Variants in SMOC2 observed in about 807,000 individuals in gnomAD.
The protein encoded by SMOC2 is SPARC related modular calcium binding 2, also known as SPARC-related modular calcium-binding protein 2.
In SMOC2, 39 loss-of-function variants were observed where a neutral mutation model predicts 61.4. That is an observed-to-expected ratio of 0.64 (90% CI 0.49 to 0.83). The LOEUF (loss-of-function observed/expected upper bound fraction) is 0.83. Among genes scored for constraint, SMOC2 ranks in the 40% least tolerant of loss-of-function variants. SMOC2 has a pLI of 0.00. For missense variants in SMOC2, 556 were observed against 592.9 expected, an observed-to-expected ratio of 0.94 and a Z score of 0.65; for synonymous variants, 247 against 239.9, an observed-to-expected ratio of 1.03 and a Z score of -0.27.
intron 1 of SMOC2, among the ~76,000 whole-genome samples, chr6:168,494,405 T>C (rs2115035515): frequency 6.6e-6 from 1 of 152,364 alleles, no homozygotes; most frequent in African/African-American, 2.4e-5. Context: ...TTTGCCTCTC[T>C]TCTTCCTTCT....
chr6:168,444,985 A>G (rs1226485138), intron 1 of SMOC2, among the ~76,000 whole-genome samples: 1 of 152,200 alleles, frequency 6.6e-6, no homozygotes, highest in Non-Finnish European at 1.5e-5. Context: ...TGTTGAAGTC[A>G]CATTACCATC....
chr6:168,525,465 G>A (rs575176159), intron 2 of SMOC2, among the ~76,000 whole-genome samples: 44 of 152,284 alleles, frequency 2.9e-4, no homozygotes, highest in Admixed American at 1.2e-3. Flanking sequence ...TGGCACACAC[G>A]GATCCTGCAT....
At chr6:168,547,019 G>C (rs1784019910) in intron 5 of SMOC2, 100 bp from the exon 6 acceptor site, 1 of 1,409,810 alleles carries the variant, frequency 7.1e-7, no homozygotes, top group Non-Finnish European at 1.0e-6. Flanking sequence ...TGATCTGTGG[G>C]GACTGAGTGC....
intron 9 of SMOC2, among the ~76,000 whole-genome samples, chr6:168,640,905 G>A (rs927881569): frequency 6.6e-6 from 1 of 152,214 alleles, no homozygotes; most frequent in Non-Finnish European, 1.5e-5. Context: ...AGTGCTTCCT[G>A]GCAGCTGGCT....
At chr6:168,442,950 C>G (rs990025715) in intron 1 of SMOC2, among the ~76,000 whole-genome samples, 1 of 152,244 alleles carries the variant, frequency 6.6e-6, no homozygotes, top group African/African-American at 2.4e-5. Context: ...AGGATACTCA[C>G]TGGAGGCATT....
In SMOC2 at chr6:168,475,156, C is replaced by T. The variant is rs78389013; in HGVS notation, c.84+33702C>T. Among the ~76,000 whole-genome samples, 9,915 of 152,166 alleles carry T rather than the reference C, an allele frequency of 0.065. 426 individuals carry two copies. Among genetic ancestry groups the T allele is most frequent in the Non-Finnish European group, 0.093 (6,352 of 67,978 alleles). ...CACGGTCTAGTGAGGAGTTTGGAAT[C>T]GGGAAGATGAGTTCAAATGCCAGCC... On this transcript the variant is annotated intron_variant, in intron 1 of 12. Transcript: ENST00000356284. The surrounding 1 kb of genome is among the most constrained non-coding windows in gnomAD (Gnocchi z 4.6).
chr6:168,594,055 C>T, intron 7 of SMOC2, among the ~76,000 whole-genome samples: 1 of 69,246 alleles, frequency 1.4e-5, no homozygotes, highest in Non-Finnish European at 3.3e-5. Flanking sequence ...CCTGAGGCCT[C>T]ACGGGCATCT....
intron 2 of SMOC2, among the ~76,000 whole-genome samples, chr6:168,522,568 C>T (rs2609293): frequency 0.57 from 86,949 of 152,112 alleles, 28,030 homozygotes; most frequent in Non-Finnish European, 0.72. Flanking sequence ...GACAACATCA[C>T]GCTAAATGAA....
At chr6:168,493,762 A>G (rs6932801) in intron 1 of SMOC2, among the ~76,000 whole-genome samples, 19,245 of 152,232 alleles carry the variant, frequency 0.13, 2,422 homozygotes, top group East Asian at 0.39. Context: ...AAAAAAGTGT[A>G]TAAGTCCTAG....
At chr6:168,624,539 T>TAGAC (rs1554252005) in intron 9 of SMOC2, among the ~76,000 whole-genome samples, 2 of 150,286 alleles carry the variant, frequency 1.3e-5, no homozygotes, top group Non-Finnish European at 3.0e-5. Flanking sequence ...GATTCACACA[T>TAGAC]AGACACATGC....
In SMOC2 at chr6:168,452,981, C is replaced by T. The variant is rs915505310; in HGVS notation, c.84+11527C>T. 6.6e-6 allele frequency among the ~76,000 whole-genome samples: 1 copy of T among 152,102 alleles called. No homozygotes were observed. Among genetic ancestry groups the T allele is most frequent in the Non-Finnish European group, 1.5e-5 (1 of 68,034 alleles). On this transcript the variant is annotated intron_variant, in intron 1 of 12. Coordinates refer to ENST00000356284, the MANE Select transcript of SMOC2 (RefSeq NM_001166412.2). This position sits in a 1 kb window ranked among gnomAD's most constrained non-coding sequence, Gnocchi z 5.0. ...AGTGGCTCTGACAGCAGGGGCAGGA[C>T]GCCCTCCTCCCAGTGGCTCTGACAG...
At chr6:168,503,455 G>A (rs1025939059) in intron 1 of SMOC2, among the ~76,000 whole-genome samples, 8 of 152,116 alleles carry the variant, frequency 5.3e-5, no homozygotes, top group Non-Finnish European at 1.0e-4. Context: ...GAGTCTCTGT[G>A]CTCCTGTGAG....
At position 168,562,584 on chromosome 6, in the gene SMOC2, C is replaced by T. The variant is rs556154676; in HGVS notation, c.637+13381C>T. On this transcript the variant is annotated intron_variant, in intron 7 of 12. Transcript: ENST00000356284. ...CTCTTTACATATGAAAAAATGCAAACGTTCACCCAAACAAGAGGCGAGGGC... is the reference window on the plus strand; with the variant it reads ...CTCTTTACATATGAAAAAATGCAAATGTTCACCCAAACAAGAGGCGAGGGC... Among the ~76,000 whole-genome samples, 5 of 152,206 alleles carry T rather than the reference C, an allele frequency of 3.3e-5. No homozygotes were observed. The East Asian group carries it at 7.7e-4, about 24-fold the overall frequency.
intron 9 of SMOC2, among the ~76,000 whole-genome samples, chr6:168,632,015 A>G (rs935958961): frequency 2.6e-5 from 4 of 152,224 alleles, no homozygotes; most frequent in African/African-American, 9.6e-5. Context: ...ATCCAGGCCT[A>G]TCACAGTCAT....
intron 1 of SMOC2, among the ~76,000 whole-genome samples, chr6:168,474,657 A>G (rs1043749287): frequency 6.6e-6 from 1 of 152,126 alleles, no homozygotes; most frequent in Non-Finnish European, 1.5e-5. Flanking sequence ...GCCACAGCCA[A>G]GACCACCAGG....
intron 9 of SMOC2, among the ~76,000 whole-genome samples, chr6:168,617,026 G>A (rs1205670190): frequency 6.6e-6 from 1 of 152,152 alleles, no homozygotes; most frequent in Non-Finnish European, 1.5e-5. Flanking sequence ...CCCTGCAGAG[G>A]GCACCGGAGA....
In SMOC2 at chr6:168,441,309, C is replaced by T; in HGVS notation, c.-62C>T. 2.0e-6 allele frequency: 3 copies of T among 1,473,276 alleles called. No homozygotes were observed. Among genetic ancestry groups the T allele is most frequent in the Non-Finnish European group, 2.7e-6 (3 of 1,120,158 alleles). 91.3% of individuals were successfully genotyped at this position (1,473,276 alleles called of 1,614,324 possible). A position where few individuals can be genotyped will look rare whatever the true frequency, so the allele number is the denominator to read the frequency against. On this transcript the variant is annotated 5_prime_UTR_variant, in exon 1 of 13. Coordinates refer to ENST00000356284, the MANE Select transcript of SMOC2 (RefSeq NM_001166412.2). Reference sequence around the variant, plus strand: ...CAGCCGCGCTCGCCCACTGGGCTCTCCCGGCTGCAGTGCCAGGGCGCAGGA... The same window carrying T: ...CAGCCGCGCTCGCCCACTGGGCTCTTCCGGCTGCAGTGCCAGGGCGCAGGA...
At chr6:168,656,561 A>C (rs1787330514) in intron 11 of SMOC2, among the ~76,000 whole-genome samples, 1 of 151,418 alleles carries the variant, frequency 6.6e-6, no homozygotes, top group African/African-American at 2.4e-5. Context: ...AAAGGAAAAA[A>C]AAAAAACCCT....
chr6:168,630,319 T>A (rs1225394575), intron 9 of SMOC2, among the ~76,000 whole-genome samples: 1 of 152,218 alleles, frequency 6.6e-6, no homozygotes, highest in Non-Finnish European at 1.5e-5. Flanking sequence ...TGGACATTTG[T>A]TAGTTCCCCA....
Sources: allele counts gnomAD v4.1 joint callset (sites outside exome capture counted in the v4.1 genomes callset), GRCh38; gene constraint gnomAD v4.1.1; non-coding constraint Gnocchi (gnomAD v3.1); transcripts MANE v1.5; gene names NCBI Gene and HGNC (gene_info 2026-07-23, HGNC 2026-07-21).